The following POTEB3 variants were observed in gnomAD, a reference collection of about 807,000 sequenced individuals.
POTEB3 encodes ANKRD26-like family B member 1.
Under a neutral mutation model 39.8 loss-of-function variants are expected in POTEB3, and 5 were observed. The ratio of observed to expected loss-of-function variants is 0.13; its 90% CI spans 0.07 to 0.26. The LOEUF is 0.26. Among genes scored for constraint, POTEB3 ranks in the 10% least tolerant of loss-of-function variants. POTEB3 has a pLI of 1.00. For synonymous variants in POTEB3, 5 were observed against 161.5 expected, an observed-to-expected ratio of 0.03 and a Z score of 7.35; for missense variants, 24 against 475.6, an observed-to-expected ratio of 0.05 and a Z score of 8.83.
rs1899236295 is a variant in POTEB3, at chr15:21,440,464, TATGCGCGTGCGGGGCGCGCGTGCG to T, written c.-477_-454del. The T allele has an allele frequency of 9.6e-6, 2 of 207,300 alleles. 1 individual carries two copies. Among genetic ancestry groups the T allele is most frequent in the African/African-American group, 1.0e-4 (2 of 19,924 alleles). 12.8% of individuals were successfully genotyped at this position (207,300 alleles called of 1,614,324 possible). On this transcript the variant is annotated 5_prime_UTR_variant, in exon 1 of 11. Coordinates refer to ENST00000611217, the MANE Select transcript of POTEB3 (RefSeq NM_207355.5). ...ACCCGTTACAGGTAAGCCAAGCCGT[TATGCGCGTGCGGGGCGCGCGTGCG>T]GGGCGCGCGCCTCAGACGTTATGCG...
intron 6 of POTEB3, among the ~76,000 whole-genome samples, chr15:21,424,434 C>CA (rs1159168212): frequency 4.8e-5 from 5 of 104,282 alleles, no homozygotes; most frequent in Admixed American, 1.0e-4. Context: ...CTAGCCTATA[C>CA]AAAAAATACT....
At chr15:21,422,461 T>C (rs1898544945) in intron 6 of POTEB3, among the ~76,000 whole-genome samples, 1 of 128,612 alleles carries the variant, frequency 7.8e-6, no homozygotes, top group Admixed American at 8.3e-5. Flanking sequence ...AGTAGAAACA[T>C]ATAAGGTAAC....
intron 3 of POTEB3, among the ~76,000 whole-genome samples, chr15:21,434,057 ACACAC>A (rs1899089988): frequency 9.8e-6 from 1 of 102,126 alleles, no homozygotes; most frequent in African/African-American, 5.1e-5. Flanking sequence ...ACACACACAC[ACACAC>A]ACAAACAAAA....
rs1386215394 is a variant in POTEB3, at chr15:21,432,431, A to AC, written c.811-587_811-586insG. 3.8e-3 allele frequency among the ~76,000 whole-genome samples: 322 copies of AC among 85,692 alleles called. 42 individuals carry two copies. The highest frequency in any genetic ancestry group is 0.013 in the African/African-American group (310 of 24,696). The allele number at this position is 85,692 out of a possible 152,430, so 56.2% of individuals were successfully genotyped here. On this transcript the variant is annotated intron_variant, in intron 3 of 10. Transcript: ENST00000611217. ...ATCAGTTCATAGGATTACTGAAACT[A>AC]AGAGATTTCCTATCTGTATTCTTAA...
intron 6 of POTEB3, among the ~76,000 whole-genome samples, chr15:21,425,605 T>TAATC (rs1898659720): frequency 1.4e-5 from 2 of 138,600 alleles, no homozygotes. Context: ...TATTCTAAGC[T>TAATC]AATCATGTAT....
In POTEB3 at chr15:21,425,892, C is replaced by T. The variant is rs1898678901; in HGVS notation, c.1126+1793G>A. On this transcript the variant is annotated intron_variant, in intron 6 of 10. Coordinates refer to ENST00000611217, the MANE Select transcript of POTEB3 (RefSeq NM_207355.5). ...GGATATCACTGAACAACCAAAACAA[C>T]TCTGGTTCCTACTGTTTTAGCCACT... 5.5e-5 allele frequency: 11 copies of T among 201,698 alleles called. No individual in the cohort carries two copies. The Admixed American group carries it at 6.3e-4, about 12-fold the overall frequency. The allele number at this position is 201,698 out of a possible 1,614,324, so 12.5% of individuals were successfully genotyped here.
chr15:21,424,759 G>A (rs1440772770), intron 6 of POTEB3, among the ~76,000 whole-genome samples: 13 of 151,648 alleles, frequency 8.6e-5, no homozygotes, highest in South Asian at 4.1e-4. Context: ...AGTGTACAAC[G>A]TGGAAACCTG....
intron 7 of POTEB3, among the ~76,000 whole-genome samples, chr15:21,421,855 TA>T (rs1898517157): frequency 6.6e-6 from 1 of 151,786 alleles, no homozygotes; most frequent in East Asian, 1.9e-4. Flanking sequence ...AAGAATACCA[TA>T]AAATAAGAGT....
intron 10 of POTEB3, 125 bp downstream of exon 10, chr15:21,410,753 A>T: frequency 1.6e-6 from 1 of 621,384 alleles, no homozygotes; most frequent in Non-Finnish European, 2.2e-6. Flanking sequence ...GTATATATAC[A>T]CACACACAGA....
rs1898248468 is a variant in POTEB3 at position 21,407,984 on chromosome 15, C to T, written c.*999G>A. ...TGCTGCTCCACCACTTTCCTTGTCT[C>T]CTGGGGGCTACACCCCAGAGAGGTG... On this transcript the variant is annotated 3_prime_UTR_variant, in exon 11 of 11. Transcript: ENST00000611217. 2.7e-5 allele frequency among the ~76,000 whole-genome samples: 2 copies of T among 75,184 alleles called. 1 individual carries two copies. Among genetic ancestry groups the T allele is most frequent in the Admixed American group, 2.1e-4 (2 of 9,620 alleles). 49.3% of individuals were successfully genotyped at this position (75,184 alleles called of 152,430 possible). A position where few individuals can be genotyped will look rare whatever the true frequency, so the allele number is the denominator to read the frequency against.
chr15:21,410,982 G>T lies in POTEB3; in HGVS notation c.1429C>A (p.Gln477Lys), dbSNP rs2141343302. The T allele has an allele frequency of 1.9e-6, 2 of 1,077,378 alleles. No individual in the cohort carries two copies. Among genetic ancestry groups the T allele is most frequent in the East Asian group, 7.8e-5 (2 of 25,764 alleles). The allele number at this position is 1,077,378 out of a possible 1,614,324, so 66.7% of individuals were successfully genotyped here. A position where few individuals can be genotyped will look rare whatever the true frequency, so the allele number is the denominator to read the frequency against. The change falls in exon 10 of 11, where the codon CAG becomes AAG. Residue 477 changes from glutamine to lysine, a missense_variant. By Grantham distance (53) the Gln-to-Lys change is moderately conservative (BLOSUM62 1). Transcript: ENST00000611217. ...EYHSDEQNDT[Q>K]KQLSEEQNTG... ...TTCTGTTCTTCAGAAAGTTGTTTCTGGGTATCATTTTGTTCGTCACTAGAA... is the reference window on the plus strand; with the variant it reads ...TTCTGTTCTTCAGAAAGTTGTTTCTTGGTATCATTTTGTTCGTCACTAGAA...
intron 6 of POTEB3, among the ~76,000 whole-genome samples, chr15:21,422,956 C>T (rs1898566739): frequency 6.9e-6 from 1 of 145,626 alleles, no homozygotes; most frequent in Non-Finnish European, 1.5e-5. Flanking sequence ...GTTTGACCCA[C>T]TGGGTCTCTC....
rs1414904417 is a variant in POTEB3, at chr15:21,413,907, T to A, written c.1410-2906A>T. The stretch of plus-strand genomic sequence containing the variant: ...AAAGCGAAACTATTGGGGGGGGGTG[T>A]ATCCTTACTTTTAAAATATCAAAAT... On this transcript the variant is annotated intron_variant, in intron 9 of 10. Coordinates refer to ENST00000611217, the MANE Select transcript of POTEB3 (RefSeq NM_207355.5). Among the ~76,000 whole-genome samples the A allele has an allele frequency of 7.8e-5, 6 of 76,858 alleles. 1 individual carries two copies. The Middle Eastern group carries it at 0.026, about 337-fold the overall frequency. 50.4% of individuals were successfully genotyped at this position (76,858 alleles called of 152,430 possible). A position where few individuals can be genotyped will look rare whatever the true frequency, so the allele number is the denominator to read the frequency against.
chr15:21,422,521 G>A (rs1898546825), intron 6 of POTEB3, among the ~76,000 whole-genome samples: 1 of 135,410 alleles, frequency 7.4e-6, no homozygotes, highest in Non-Finnish European at 1.6e-5. Flanking sequence ...GTAAAGAAAA[G>A]GAAATTTAGT....
rs1207418402 is a variant in POTEB3, at chr15:21,407,454, A to G, written c.*1529T>C. On this transcript the variant is annotated 3_prime_UTR_variant, in exon 11 of 11. Transcript: ENST00000611217. ...GCTAAGTGATGTAGGAAGTTTCCAT[A>G]TAAAGGGCTGCAGTATGGAGAGGTA... Among the ~76,000 whole-genome samples, 5 of 87,640 alleles carry G rather than the reference A, an allele frequency of 5.7e-5. No homozygotes were observed. In the East Asian group the frequency reaches 1.2e-3, roughly 21 times the overall value. 57.5% of individuals were successfully genotyped at this position (87,640 alleles called of 152,430 possible). A position where few individuals can be genotyped will look rare whatever the true frequency, so the allele number is the denominator to read the frequency against.
At chr15:21,432,659 TC>T (rs1899021342) in intron 3 of POTEB3, among the ~76,000 whole-genome samples, 1 of 24,176 alleles carries the variant, frequency 4.1e-5, no homozygotes, top group African/African-American at 1.4e-4. Flanking sequence ...GGACACAAAG[TC>T]CTGAGAGAGC....
intron 3 of POTEB3, among the ~76,000 whole-genome samples, chr15:21,433,769 G>A (rs1273661673): frequency 6.6e-6 from 1 of 150,772 alleles, no homozygotes; most frequent in Admixed American, 6.6e-5. Flanking sequence ...TGAAAGCAGA[G>A]TTGAGACTCT....
chr15:21,419,403 C>T lies in POTEB3; in HGVS notation c.1409+61G>A. On this transcript the variant is annotated intron_variant, in intron 9 of 10. Coordinates refer to ENST00000611217, the MANE Select transcript of POTEB3 (RefSeq NM_207355.5). Reference sequence around the variant, plus strand: ...TTCTAGTAAAAGTATAAAATTTGTTCATCATGAAAGCCCAAATTAGGATTA... The same window carrying T: ...TTCTAGTAAAAGTATAAAATTTGTTTATCATGAAAGCCCAAATTAGGATTA... 10 of 583,350 alleles carry T rather than the reference C, an allele frequency of 1.7e-5. 1 individual carries two copies. The South Asian group carries it at 2.3e-4, about 13-fold the overall frequency. 36.1% of individuals were successfully genotyped at this position (583,350 alleles called of 1,614,324 possible).
intron 3 of POTEB3, among the ~76,000 whole-genome samples, chr15:21,434,441 A>G (rs114777978): frequency 0.015 from 1,206 of 81,542 alleles, 39 homozygotes; most frequent in African/African-American, 0.042. Flanking sequence ...TTTTTTTTTT[A>G]AAAGCATTAA....
Sources: allele counts gnomAD v4.1 joint callset (sites outside exome capture counted in the v4.1 genomes callset), GRCh38; gene constraint gnomAD v4.1.1; transcripts MANE v1.5; gene names NCBI Gene and HGNC (gene_info 2026-07-23, HGNC 2026-07-21).